The following ARHGAP8 variants were observed in gnomAD, a reference collection of about 807,000 sequenced individuals.
ARHGAP8 encodes Rho GTPase activating protein 8.
A neutral mutation model predicts 46.1 loss-of-function variants in ARHGAP8; 62 were observed. That is an observed-to-expected ratio of 1.34 (90% CI 1.10 to 1.66). The LOEUF (loss-of-function observed/expected upper bound fraction) is 1.66, where lower values mean the gene tolerates loss of function less well. ARHGAP8 is among the 40% of genes most tolerant of loss of function. The pLI, the probability that ARHGAP8 is intolerant of heterozygous loss-of-function variation, is 0.00. For missense variants in ARHGAP8, 923 were observed against 568.4 expected, an observed-to-expected ratio of 1.62 and a Z score of -6.34; for synonymous variants, 375 against 243.1, an observed-to-expected ratio of 1.54 and a Z score of -5.05.
rs145773304 is a variant in ARHGAP8 at position 44,795,267 on chromosome 22, C to T, written c.80-6810C>T. Among the ~76,000 whole-genome samples the T allele has an allele frequency of 3.0e-3, 453 of 152,154 alleles. 5 individuals carry two copies. Among genetic ancestry groups the T allele is most frequent in the African/African-American group, 0.011 (439 of 41,520 alleles). On this transcript the variant is annotated intron_variant, in intron 2 of 11. Coordinates refer to ENST00000356099, the MANE Select transcript of ARHGAP8 (RefSeq NM_181335.3). ...GCAGGATGCTTGTGAGGAACAGGGA[C>T]GTGACCCAGTGTGGGCTCTGGGCTG...
chr22:44,849,412 C>T (rs1000373639), intron 10 of ARHGAP8: 7 of 185,330 alleles, frequency 3.8e-5, no homozygotes, highest in Non-Finnish European at 8.1e-5. Context: ...AGACCCTCAG[C>T]TCTCTCATCT....
chr22:44,812,546 G>C (rs955002508), intron 4 of ARHGAP8, among the ~76,000 whole-genome samples: 1 of 151,820 alleles, frequency 6.6e-6, no homozygotes, highest in Non-Finnish European at 1.5e-5. Context: ...TAGTGGAGAC[G>C]GGTTTTCACC....
chr22:44,808,338 G>A lies in ARHGAP8; in HGVS notation c.199G>A (p.Glu67Lys). 1 of 1,614,226 alleles carries A rather than the reference G, an allele frequency of 6.2e-7. No homozygotes were observed. Among genetic ancestry groups the A allele is most frequent in the Non-Finnish European group, 8.5e-7 (1 of 1,180,018 alleles). Residue 67 changes from glutamate (E) to lysine (K), a missense_variant, in exon 4 of 12, where the codon GAG becomes AAG. By Grantham distance (56) the Glu-to-Lys change is moderately conservative (BLOSUM62 1). Coordinates refer to ENST00000356099, the MANE Select transcript of ARHGAP8 (RefSeq NM_181335.3). The part of the protein sequence containing the change: ...YLKYTLDQYV[E>K]NDYTIVYFHY... ...GAAGTACACACTGGACCAATACGTT[G>A]AGAACGATTATACCATCGTCTATTT...
chr22:44,797,062 G>A (rs936548906), intron 2 of ARHGAP8, among the ~76,000 whole-genome samples: 5 of 152,156 alleles, frequency 3.3e-5, no homozygotes, highest in African/African-American at 1.2e-4. Context: ...CCTGGGGCCT[G>A]GCAGGGGCCG....
chr22:44,806,404 C>T (rs1253880917), intron 3 of ARHGAP8, among the ~76,000 whole-genome samples: 1 of 152,160 alleles, frequency 6.6e-6, no homozygotes, highest in African/African-American at 2.4e-5. Context: ...AAGCAGACAA[C>T]GGGATGGGAG....
intron 6 of ARHGAP8, among the ~76,000 whole-genome samples, chr22:44,823,337 T>C (rs1285727853): frequency 6.6e-6 from 1 of 151,758 alleles, no homozygotes; most frequent in East Asian, 1.9e-4. Flanking sequence ...TAGGAGGAGG[T>C]AGCTCTTAAA....
chr22:44,792,616 C>A (rs1458526021), intron 2 of ARHGAP8, among the ~76,000 whole-genome samples: 3 of 152,120 alleles, frequency 2.0e-5, no homozygotes, highest in Non-Finnish European at 4.4e-5. Context: ...ATGTCACTCC[C>A]CACCAACGCA....
Position 44,862,712 on chromosome 22 carries a change from TAATGAAAACTCCATGCCTCTGGTCCTTGG to T in ARHGAP8, c.*119_*147del. ...GCCATTAGATGAATTCAGAACCTTC[TAATGAAAACTCCATGCCTCTGGTCCTTGG>T]ACTCTTGTCCATGGTTCCTGAGCTG... On this transcript the variant is annotated 3_prime_UTR_variant, in exon 12 of 12. Coordinates refer to ENST00000356099, the MANE Select transcript of ARHGAP8 (RefSeq NM_181335.3). 8.0e-7 allele frequency: 1 copy of T among 1,247,918 alleles called. No individual in the cohort carries two copies. The highest frequency in any genetic ancestry group is 1.1e-6 in the Non-Finnish European group (1 of 929,726). 77.3% of individuals were successfully genotyped at this position (1,247,918 alleles called of 1,614,324 possible).
intron 3 of ARHGAP8, among the ~76,000 whole-genome samples, chr22:44,804,305 G>A (rs1177238575): frequency 3.9e-5 from 6 of 152,050 alleles, no homozygotes; most frequent in African/African-American, 1.2e-4. Flanking sequence ...GAAACTCCCC[G>A]GCCCAGGAGA....
At chr22:44,792,556 C>G (rs1927770474) in intron 2 of ARHGAP8, among the ~76,000 whole-genome samples, 1 of 152,124 alleles carries the variant, frequency 6.6e-6, no homozygotes, top group Non-Finnish European at 1.5e-5. Context: ...ATGGACCCCT[C>G]CAGGACTTCT....
chr22:44,766,932 T>C (rs1454105480), intron 1 of ARHGAP8, among the ~76,000 whole-genome samples: 1 of 151,534 alleles, frequency 6.6e-6, no homozygotes, highest in East Asian at 1.9e-4. Context: ...GCAGGTGGAG[T>C]GAGGAGGCTG....
At chr22:44,827,688 C>A (rs1930638395) in intron 7 of ARHGAP8, among the ~76,000 whole-genome samples, 1 of 152,044 alleles carries the variant, frequency 6.6e-6, no homozygotes, top group African/African-American at 2.4e-5. Flanking sequence ...GTTACTGGGA[C>A]CACATGAAAA....
chr22:44,790,677 A>C (rs1374526192), intron 2 of ARHGAP8, among the ~76,000 whole-genome samples: 1 of 33,406 alleles, frequency 3.0e-5, no homozygotes, highest in Non-Finnish European at 6.8e-5. Flanking sequence ...ACTCTGTCTC[A>C]AAAAAAAAAA....
intron 7 of ARHGAP8, among the ~76,000 whole-genome samples, chr22:44,836,142 C>T (rs1170560759): frequency 6.6e-6 from 1 of 152,176 alleles, no homozygotes; most frequent in African/African-American, 2.4e-5. Flanking sequence ...TACAGGATTC[C>T]AGTGCCTTGT....
At position 44,803,034 on chromosome 22, in the gene ARHGAP8, T is replaced by G. The variant is rs375728556; in HGVS notation, c.167+870T>G. ...GCCGCCACCACTGGCTCAGCAGGCA[T>G]CTATTGAGCGCCTACTGTATGTGAG... On this transcript the variant is annotated intron_variant, in intron 3 of 11. Coordinates refer to ENST00000356099, the MANE Select transcript of ARHGAP8 (RefSeq NM_181335.3). Among the ~76,000 whole-genome samples, 12 of 152,202 alleles carry G rather than the reference T, an allele frequency of 7.9e-5. No homozygotes were observed. In the East Asian group the frequency reaches 1.4e-3, roughly 17 times the overall value.
chr22:44,781,546 A>G (rs8137416), intron 1 of ARHGAP8, among the ~76,000 whole-genome samples: 133,076 of 152,044 alleles, frequency 0.88, 58,335 homozygotes, highest in Non-Finnish European at 0.89. Context: ...TTTTTGAGAC[A>G]GAGTTTCACT....
At chr22:44,857,529 C>G (rs2070262981) in intron 10 of ARHGAP8, among the ~76,000 whole-genome samples, 1 of 152,180 alleles carries the variant, frequency 6.6e-6, no homozygotes. Flanking sequence ...GAGATCCAGT[C>G]CACTGAGTGT....
At chr22:44,857,971 A>C (rs983627360) in intron 10 of ARHGAP8, among the ~76,000 whole-genome samples, 3 of 151,986 alleles carry the variant, frequency 2.0e-5, no homozygotes. Context: ...CTGCACCAGT[A>C]CCCACTTGGG....
rs571438074 is a variant in ARHGAP8 at position 44,854,556 on chromosome 22, C to T, written c.878-5175C>T. ...CCCTTGTTATGCATTTTTAACCCTA[C>T]TTCACTAGTAAGCCCAACTACATAA... On this transcript the variant is annotated intron_variant, in intron 10 of 11. Coordinates refer to ENST00000356099, the MANE Select transcript of ARHGAP8 (RefSeq NM_181335.3). Among the ~76,000 whole-genome samples, 24 of 152,134 alleles carry T rather than the reference C, an allele frequency of 1.6e-4. 1 individual carries two copies. Among genetic ancestry groups the T allele is most frequent in the African/African-American group, 5.3e-4 (22 of 41,496 alleles).
Sources: allele counts gnomAD v4.1 joint callset (sites outside exome capture counted in the v4.1 genomes callset), GRCh38; gene constraint gnomAD v4.1.1; transcripts MANE v1.5; gene names NCBI Gene and HGNC (gene_info 2026-07-23, HGNC 2026-07-21).